The following PIK3AP1 variants were observed in gnomAD, a reference collection of about 807,000 sequenced individuals.
The protein encoded by PIK3AP1 is phosphoinositide 3-kinase adapter protein 1.
PIK3AP1 carries 21 observed loss-of-function variants against 88.1 expected under a neutral mutation model. That is an observed-to-expected ratio of 0.24 (90% CI 0.17 to 0.34). The LOEUF (loss-of-function observed/expected upper bound fraction) is 0.34. Ranked by LOEUF, PIK3AP1 falls within the 10% of genes least tolerant of loss-of-function variation. The pLI is 1.00. For synonymous variants in PIK3AP1, 398 were observed against 400.0 expected (o/e 1.00, Z 0.06); for missense variants, 828 against 1,035.7 (o/e 0.80, Z 2.75).
At chr10:96,704,285 T>C (rs1844335249) in intron 2 of PIK3AP1, among the ~76,000 whole-genome samples, 1 of 152,120 alleles carries the variant, frequency 6.6e-6, no homozygotes, top group African/African-American at 2.4e-5. Context: ...TCCGGAGAAG[T>C]GGAGATTAGA....
intron 3 of PIK3AP1, among the ~76,000 whole-genome samples, chr10:96,653,406 A>C (rs1204648151): frequency 1.1e-5 from 1 of 92,060 alleles, no homozygotes; most frequent in Non-Finnish European, 2.4e-5. Flanking sequence ...GCTCTGTCTC[A>C]AAAAAAAAAA....
intron 6 of PIK3AP1, among the ~76,000 whole-genome samples, chr10:96,650,714 AG>A (rs2134233390): frequency 6.6e-6 from 1 of 152,354 alleles, no homozygotes; most frequent in Non-Finnish European, 1.5e-5. Context: ...GAGAGAAGTT[AG>A]CCAGGTAAAC....
At chr10:96,707,981 C>T (rs916587579) in intron 2 of PIK3AP1, among the ~76,000 whole-genome samples, 2 of 152,114 alleles carry the variant, frequency 1.3e-5, no homozygotes, top group South Asian at 2.1e-4. Flanking sequence ...TGTTAAAAGA[C>T]GTGGTCATGT....
chr10:96,605,071 G>A (rs977789537), intron 14 of PIK3AP1, among the ~76,000 whole-genome samples: 3 of 152,120 alleles, frequency 2.0e-5, no homozygotes, highest in Admixed American at 6.5e-5. Flanking sequence ...TGTTGGCCAG[G>A]CTGGTCTCAA....
chr10:96,653,479 CTT>C (rs748930022), intron 3 of PIK3AP1, among the ~76,000 whole-genome samples: 128 of 61,828 alleles, frequency 2.1e-3, no homozygotes, highest in South Asian at 6.0e-3. Flanking sequence ...ACTTTATACA[CTT>C]TTTTTTTTTT....
intron 2 of PIK3AP1, among the ~76,000 whole-genome samples, chr10:96,696,055 T>C (rs1844215299): frequency 6.6e-6 from 1 of 152,178 alleles, no homozygotes; most frequent in African/African-American, 2.4e-5. Context: ...AAGATGCTCA[T>C]GGGAGGGACA....
At chr10:96,660,151 A>G (rs563197900) in intron 2 of PIK3AP1, among the ~76,000 whole-genome samples, 9 of 152,252 alleles carry the variant, frequency 5.9e-5, no homozygotes, top group African/African-American at 2.2e-4. Flanking sequence ...GTTCTGCGAA[A>G]GACATTGTCA....
Position 96,693,294 on chromosome 10 carries a change from C to T in PIK3AP1, c.430+16273G>A, listed in dbSNP as rs1489195212. Among the ~76,000 whole-genome samples, 3 of 152,174 alleles carry T rather than the reference C, an allele frequency of 2.0e-5. No homozygotes were observed. The South Asian group carries it at 6.2e-4, about 31-fold the overall frequency. On this transcript the variant is annotated intron_variant, in intron 2 of 16. Transcript: ENST00000339364. ...GCAATCCCCCCAACTTCCCACCCCA[C>T]CCTGCTCTTCTGAGGGAGGCTTCCA...
Position 96,651,635 on chromosome 10 carries a change from G to A in PIK3AP1, c.729C>T (p.Asn243=), listed in dbSNP as rs571900807. 4.6e-5 allele frequency: 74 copies of A among 1,614,010 alleles called. No individual in the cohort carries two copies. The highest frequency in any genetic ancestry group is 2.8e-4 in the African/African-American group (21 of 75,018). Residue 243 remains asparagine (N), a synonymous_variant, in exon 5 of 17, where the codon AAC becomes AAT. Coordinates refer to ENST00000339364, the MANE Select transcript of PIK3AP1 (RefSeq NM_152309.3). The part of the protein sequence containing the change: ...SVKAPNLSSG[N]VSLKIYSGDL... The stretch of plus-strand genomic sequence containing the variant: ...CTCCAGAATATATCTTCAGAGAAAC[G>A]TTCCCAGATGAAAGGTCTGAACAGA...
At chr10:96,671,371 C>G (rs1843844175) in intron 2 of PIK3AP1, among the ~76,000 whole-genome samples, 1 of 152,204 alleles carries the variant, frequency 6.6e-6, no homozygotes, top group African/African-American at 2.4e-5. Flanking sequence ...CACCATGGGT[C>G]TTTCTTCTTT....
At chr10:96,697,490 C>T (rs1265882499) in intron 2 of PIK3AP1, among the ~76,000 whole-genome samples, 1 of 152,096 alleles carries the variant, frequency 6.6e-6, no homozygotes, top group African/African-American at 2.4e-5. Context: ...TTTGGGAGGA[C>T]AAGGGGAGGA....
chr10:96,625,187 C>A (rs769723026), intron 10 of PIK3AP1, among the ~76,000 whole-genome samples: 9 of 152,214 alleles, frequency 5.9e-5, no homozygotes, highest in Non-Finnish European at 1.0e-4. Flanking sequence ...CTCATCCATA[C>A]CTCCTGTCAG....
intron 8 of PIK3AP1, among the ~76,000 whole-genome samples, chr10:96,637,314 TCACACACACA>T (rs55885337): frequency 0.014 from 1,812 of 128,060 alleles, 33 homozygotes; most frequent in African/African-American, 0.047. Flanking sequence ...AGATATACAA[TCACACACACA>T]CACACACACA....
rs1490565558 is a variant in PIK3AP1, at chr10:96,709,915, G to A, written c.82C>T (p.Gln28Ter). 6.2e-7 allele frequency: 1 copy of A among 1,611,194 alleles called. No homozygotes were observed. The highest frequency in any genetic ancestry group is 8.5e-7 in the Non-Finnish European group (1 of 1,178,176). The part of the protein sequence containing the change: ...PDAEEWCQYL[Q>*]TLFLSSRQVR... Reference sequence around the variant, plus strand: ...TGCCGACTGGACAGGAACAGGGTCTGCAGGTACTGGCACCATTCCTCGGCA... The same window carrying A: ...TGCCGACTGGACAGGAACAGGGTCTACAGGTACTGGCACCATTCCTCGGCA... Residue 28 changes from glutamine (Q) to a stop codon, truncating the protein, a stop_gained, in exon 2 of 17, where the codon CAG becomes TAG. Coordinates refer to ENST00000339364, the MANE Select transcript of PIK3AP1 (RefSeq NM_152309.3). LOFTEE classifies it high-confidence loss of function.
chr10:96,632,595 C>G (rs1446621645), intron 8 of PIK3AP1, among the ~76,000 whole-genome samples: 3 of 152,242 alleles, frequency 2.0e-5, no homozygotes, highest in Non-Finnish European at 2.9e-5. Context: ...AAATGAACCA[C>G]TTGTGAAAAA....
intron 2 of PIK3AP1, among the ~76,000 whole-genome samples, chr10:96,707,814 C>G (rs1844384528): frequency 6.6e-6 from 1 of 152,112 alleles, no homozygotes; most frequent in African/African-American, 2.4e-5. Flanking sequence ...GGCAATCATG[C>G]AAAAATGAAT....
At position 96,648,834 on chromosome 10, in the gene PIK3AP1, G is replaced by A; in HGVS notation, c.1010C>T (p.Pro337Leu). Residue 337 changes from proline to leucine, a missense_variant, in exon 7 of 17, where the codon CCC becomes CTC. Coordinates refer to ENST00000339364, the MANE Select transcript of PIK3AP1 (RefSeq NM_152309.3). The stretch of plus-strand genomic sequence containing the variant: ...CTTCGCAGCAAAATGCAACAGGGTG[G>A]GCAGCTCTTCATCCCTCTGATCTGA... ...MMTNQRDEELPTLLHFAAKYG... is the reference protein window; with the variant it reads ...MMTNQRDEELLTLLHFAAKYG... 1 of 1,585,622 alleles carries A rather than the reference G, an allele frequency of 6.3e-7. No homozygotes were observed.
intron 2 of PIK3AP1, among the ~76,000 whole-genome samples, chr10:96,678,250 A>G (rs887247261): frequency 5.9e-5 from 9 of 152,182 alleles, no homozygotes; most frequent in Non-Finnish European, 5.9e-5. Flanking sequence ...CCTGGCCAAC[A>G]TGATGAAACC....
At chr10:96,681,994 GTATA>G (rs201677363) in intron 2 of PIK3AP1, among the ~76,000 whole-genome samples, 26,638 of 146,930 alleles carry the variant, frequency 0.18, 2,393 homozygotes, top group Middle Eastern at 0.24. Flanking sequence ...ATATGTGTGT[GTATA>G]TATATATATA....
Sources: gnomAD v4.1 joint callset for allele counts (sites outside exome capture counted in the v4.1 genomes callset) on GRCh38, gnomAD v4.1.1 for gene constraint, MANE v1.5 for transcripts, NCBI Gene and HGNC (gene_info 2026-07-23, HGNC 2026-07-21) for gene names.